Variants in ADAM21 observed in about 807,000 individuals in gnomAD.
ADAM21 encodes disintegrin and metalloproteinase domain-containing protein 21.
For missense variants in ADAM21, 678 were observed against 874.4 expected, an observed-to-expected ratio of 0.78 and a Z score of 2.83; for synonymous variants, 262 against 306.0, an observed-to-expected ratio of 0.86 and a Z score of 1.50.
At chr14:70,456,803 G>A (rs1446786902) in intron 1 of ADAM21, among the ~76,000 whole-genome samples, 5 of 152,114 alleles carry the variant, frequency 3.3e-5, no homozygotes, top group African/African-American at 4.8e-5. Context: ...TAAAATGAAC[G>A]AAAATCATAA....
At position 70,457,266 on chromosome 14, in the gene ADAM21, C is replaced by T. The variant is rs1444560584; in HGVS notation, c.-151-83C>T. ...CAAAGCATTTTCTTGATTCATCAACCAGTTTTTCACTACTTCATTCTTTTT... is the reference window on the plus strand; with the variant it reads ...CAAAGCATTTTCTTGATTCATCAACTAGTTTTTCACTACTTCATTCTTTTT... On this transcript the variant is annotated intron_variant, in intron 1 of 1. Transcript: ENST00000603540. The T allele has an allele frequency of 5.9e-6, 3 of 505,846 alleles. No homozygotes were observed. The East Asian group carries it at 1.1e-4, about 19-fold the overall frequency. 31.3% of individuals were successfully genotyped at this position (505,846 alleles called of 1,614,324 possible). A position where few individuals can be genotyped will look rare whatever the true frequency, so the allele number is the denominator to read the frequency against.
intron 1 of ADAM21, among the ~76,000 whole-genome samples, chr14:70,456,455 C>T (rs147521586): frequency 1.3e-5 from 2 of 152,244 alleles, no homozygotes; most frequent in East Asian, 1.9e-4. Context: ...TCTTCCCTGG[C>T]GATCCTAAAA....
In ADAM21 at chr14:70,457,957, C is replaced by T; in HGVS notation, c.458C>T (p.Thr153Ile). Residue 153 changes from threonine to isoleucine, a missense_variant, in exon 2 of 2, where the codon ACA (threonine) becomes ATA (isoleucine). Coordinates refer to ENST00000603540, the MANE Select transcript of ADAM21 (RefSeq NM_003813.4). ...YEIEPIRHSA[T>I]FEHLVYKINS... ...ATTGAACCCATCAGGCACTCTGCCA[C>T]ATTTGAACACCTGGTTTATAAGATA... 6.2e-7 allele frequency: 1 copy of T among 1,612,862 alleles called. No homozygotes were observed. The highest frequency in any genetic ancestry group is 1.1e-5 in the South Asian group (1 of 91,026).
At position 70,459,904 on chromosome 14, in the gene ADAM21, TA is replaced by T. The variant is rs1339569391; in HGVS notation, c.*237del. ...ATAAAGCTACATCCTTCCCTCCCTT[TA>T]GTCCTTGTTGTGTTTCTTGTGCATA... On this transcript the variant is annotated 3_prime_UTR_variant, in exon 2 of 2. Coordinates refer to ENST00000603540, the MANE Select transcript of ADAM21 (RefSeq NM_003813.4). 1.9e-6 allele frequency: 1 copy of T among 518,564 alleles called. No individual in the cohort carries two copies. The highest frequency in any genetic ancestry group is 3.4e-6 in the Non-Finnish European group (1 of 292,896). 32.1% of individuals were successfully genotyped at this position (518,564 alleles called of 1,614,324 possible).
Position 70,459,131 on chromosome 14 carries a change from T to C in ADAM21, c.1632T>C (p.Gly544=), listed in dbSNP as rs1882477842. The change falls in exon 2 of 2, where the codon GGT becomes GGC. Residue 544 remains glycine (G), a synonymous_variant. Coordinates refer to ENST00000603540, the MANE Select transcript of ADAM21 (RefSeq NM_003813.4). ...AGGGAAACCGTTTTGGTCACTGTGG[T>C]ATAAATGGCACAACATACCTAAAAT... The part of the protein sequence containing the change: ...NSQGNRFGHC[G]INGTTYLKCH... 1.2e-6 allele frequency: 2 copies of C among 1,612,818 alleles called. No individual in the cohort carries two copies. The highest frequency in any genetic ancestry group is 1.7e-6 in the Non-Finnish European group (2 of 1,179,364).
At chr14:70,452,656 G>A (rs187747842) in intron 1 of ADAM21, among the ~76,000 whole-genome samples, 81 of 152,298 alleles carry the variant, frequency 5.3e-4, no homozygotes, top group African/African-American at 1.9e-3. Context: ...GTGAGCCACC[G>A]CGCCCGGCGT....
chr14:70,459,465 G>A lies in ADAM21; in HGVS notation c.1966G>A (p.Gly656Arg). 1.9e-6 allele frequency: 3 copies of A among 1,614,234 alleles called. No homozygotes were observed. Among genetic ancestry groups the A allele is most frequent in the East Asian group, 2.2e-5 (1 of 44,888 alleles). Residue 656 changes from glycine (G) to arginine (R), a missense_variant, in exon 2 of 2, where the codon GGG becomes AGG. Coordinates refer to ENST00000603540, the MANE Select transcript of ADAM21 (RefSeq NM_003813.4). ...CAAACATCACTGCCACTGTGGCTAT[G>A]GGTGGTCCCCACCCTACTGCCAGCA... is the stretch of plus-strand genomic sequence containing the variant. ...NNKHHCHCGYGWSPPYCQHRG... is the reference protein window; with the variant it reads ...NNKHHCHCGYRWSPPYCQHRG...
rs543497736 is a variant in ADAM21, at chr14:70,457,484, T to C, written c.-16T>C. On this transcript the variant is annotated 5_prime_UTR_variant, in exon 2 of 2. It removes the in-frame stop codon of an upstream open reading frame in the 5' UTR. Transcript: ENST00000603540. ...CTTCTGCTCTGGACAGATGGCTCCATAACGACAGCTTCATAATGGCAGTGG... is the reference window on the plus strand; with the variant it reads ...CTTCTGCTCTGGACAGATGGCTCCACAACGACAGCTTCATAATGGCAGTGG... 1 of 1,607,270 alleles carries C rather than the reference T, an allele frequency of 6.2e-7. No individual in the cohort carries two copies. The highest frequency in any genetic ancestry group is 1.1e-5 in the South Asian group (1 of 90,000).
intron 1 of ADAM21, among the ~76,000 whole-genome samples, chr14:70,454,808 G>A (rs1263696369): frequency 6.6e-6 from 1 of 152,172 alleles, no homozygotes; most frequent in African/African-American, 2.4e-5. Flanking sequence ...AGGAATTTTG[G>A]TGGAGAATAA....
At chr14:70,453,140 TG>T (rs1273780489) in intron 1 of ADAM21, among the ~76,000 whole-genome samples, 1 of 152,196 alleles carries the variant, frequency 6.6e-6, no homozygotes, top group Non-Finnish European at 1.5e-5. Context: ...TTTGGCACTG[TG>T]TGTGCAAGGT....
In ADAM21 at chr14:70,457,577, C is replaced by T. The variant is rs61738695; in HGVS notation, c.78C>T (p.Ser26=). ...GGCTTGGGGTATTTTTGTCTATTTC[C>T]GGCTACTGTCAGGCTGGGCCCTCCC... ...LLWLGVFLSI[S]GYCQAGPSQH... Residue 26 remains serine, a synonymous_variant, in exon 2 of 2, where the codon TCC becomes TCT. Coordinates refer to ENST00000603540, the MANE Select transcript of ADAM21 (RefSeq NM_003813.4). 6.2e-4 allele frequency: 998 copies of T among 1,602,496 alleles called. 3 individuals carry two copies. In the African/African-American group the frequency reaches 7.5e-3, roughly 12 times the overall value.
In ADAM21 at chr14:70,457,380, A is replaced by G; in HGVS notation, c.-120A>G. 1.3e-6 allele frequency: 2 copies of G among 1,496,206 alleles called. No homozygotes were observed. Among genetic ancestry groups the G allele is most frequent in the Non-Finnish European group, 1.8e-6 (2 of 1,093,020 alleles). The allele number at this position is 1,496,206 out of a possible 1,614,324, so 92.7% of individuals were successfully genotyped here. On this transcript the variant is annotated 5_prime_UTR_variant, in exon 2 of 2. Transcript: ENST00000603540. Reference sequence around the variant, plus strand: ...AGTTCTGATCTAACTCTGCCAGGACACAGATCCACAGGGTCAGCCCTGCAT... The same window carrying G: ...AGTTCTGATCTAACTCTGCCAGGACGCAGATCCACAGGGTCAGCCCTGCAT...
intron 1 of ADAM21, among the ~76,000 whole-genome samples, chr14:70,455,545 A>G (rs1287052029): frequency 6.6e-6 from 1 of 152,230 alleles, no homozygotes; most frequent in Non-Finnish European, 1.5e-5. Flanking sequence ...TGAAAACACC[A>G]TAAACATCAC....
chr14:70,456,689 C>T (rs1882415373), intron 1 of ADAM21, among the ~76,000 whole-genome samples: 1 of 152,182 alleles, frequency 6.6e-6, no homozygotes, highest in Non-Finnish European at 1.5e-5. Context: ...AATATGAACA[C>T]ATTTTAGTAG....
intron 1 of ADAM21, among the ~76,000 whole-genome samples, chr14:70,454,501 C>A (rs560028796): frequency 1.3e-5 from 2 of 152,014 alleles, no homozygotes; most frequent in East Asian, 1.9e-4. Flanking sequence ...GATTGGAAGA[C>A]AAGAACATTA....
rs555749201 is a variant in ADAM21 at position 70,458,175 on chromosome 14, A to T, written c.676A>T (p.Ser226Cys). Residue 226 changes from serine (S) to cysteine (C), a missense_variant, in exon 2 of 2, where the codon AGC (serine) becomes TGC (cysteine). Ser to Cys is a moderately radical substitution (Grantham distance 112). Coordinates refer to ENST00000603540, the MANE Select transcript of ADAM21 (RefSeq NM_003813.4). The part of the protein sequence containing the change: ...VNHDFFIYSQ[S>C]NISKVQEDVF... Reference sequence around the variant, plus strand: ...CCATGATTTCTTCATTTACTCTCAAAGCAACATCTCAAAGGTGCAAGAGGA... The same window carrying T: ...CCATGATTTCTTCATTTACTCTCAATGCAACATCTCAAAGGTGCAAGAGGA... The T allele has an allele frequency of 6.2e-7, 1 of 1,613,938 alleles. No individual in the cohort carries two copies. The highest frequency in any genetic ancestry group is 1.3e-5 in the African/African-American group (1 of 74,954).
chr14:70,459,028 A>G lies in ADAM21; in HGVS notation c.1529A>G (p.His510Arg), dbSNP rs1459942419. ...AYCYQKRCNN[H>R]DQHCREIFGK... ...TGCTATCAAAAGAGGTGTAATAACC[A>G]TGACCAGCATTGCAGGGAGATTTTT... The change falls in exon 2 of 2, where the codon CAT becomes CGT. Residue 510 changes from histidine (H) to arginine (R), a missense_variant. By Grantham distance (29) the His-to-Arg change is conservative. Transcript: ENST00000603540. 1 of 1,614,076 alleles carries G rather than the reference A, an allele frequency of 6.2e-7. No homozygotes were observed. Among genetic ancestry groups the G allele is most frequent in the South Asian group, 1.1e-5 (1 of 91,050 alleles).
chr14:70,453,360 G>A (rs913303109), intron 1 of ADAM21: 2 of 152,200 alleles, frequency 1.3e-5, no homozygotes, highest in African/African-American at 4.8e-5. Context: ...ATAGCTGTGG[G>A]GAAAGGAAGA....
At chr14:70,453,456 C>T (rs1889066386) in intron 1 of ADAM21, 1 of 152,158 alleles carries the variant, frequency 6.6e-6, no homozygotes, top group Non-Finnish European at 1.5e-5. Context: ...GGTACCACTT[C>T]ACAGTATCCA....
Sources: allele counts gnomAD v4.1 joint callset (sites outside exome capture counted in the v4.1 genomes callset), GRCh38; gene constraint gnomAD v4.1.1; transcripts MANE v1.5; gene names NCBI Gene and HGNC (gene_info 2026-07-23, HGNC 2026-07-21).